ZNF362: variants seen among roughly 807,000 people sequenced by gnomAD.
ZNF362 encodes the protein rotund homolog.
ZNF362 carries 11 observed loss-of-function variants against 42.9 expected under a neutral mutation model. That is an observed-to-expected ratio of 0.26 (90% CI 0.16 to 0.42). ZNF362 has a LOEUF of 0.42. ZNF362 is among the 20% of genes least tolerant of loss of function. ZNF362 has a pLI of 1.00. For missense variants in ZNF362, 362 were observed against 576.2 expected (o/e 0.63, Z 3.81); for synonymous variants, 255 against 257.3 (o/e 0.99, Z 0.09).
At chr1:33,221,615 A>G in the ZNF362 span, among the ~76,000 whole-genome samples, 1 of 152,222 alleles carries the variant, frequency 6.6e-6, no homozygotes, top group Admixed American at 6.5e-5. Flanking sequence ...ACATAAGGAA[A>G]ATAAGTCTCA....
the ZNF362 span, among the ~76,000 whole-genome samples, chr1:33,141,071 A>T: frequency 6.6e-6 from 1 of 152,008 alleles, no homozygotes; most frequent in Admixed American, 6.6e-5. Context: ...GGCAGGGCTG[A>T]GATCAGGGGT....
At chr1:33,177,103 G>GCA in the ZNF362 span, among the ~76,000 whole-genome samples, 4 of 150,662 alleles carry the variant, frequency 2.7e-5, no homozygotes, top group Admixed American at 6.6e-5. The surrounding 1 kb of genome is among the most constrained non-coding windows in gnomAD (Gnocchi z 4.1). Flanking sequence ...GCACACACAT[G>GCA]CACACACACA....
chr1:33,131,984 G>C, the ZNF362 span, among the ~76,000 whole-genome samples: 1 of 152,180 alleles, frequency 6.6e-6, no homozygotes, highest in Non-Finnish European at 1.5e-5. Context: ...GGTTGATTGA[G>C]CAGTCTGGGC....
chr1:33,169,239 A>G, the ZNF362 span, among the ~76,000 whole-genome samples: 10 of 152,028 alleles, frequency 6.6e-5, no homozygotes, highest in Non-Finnish European at 1.5e-4. Context: ...TCCTCTCCCC[A>G]TATTCCCCAT....
At chr1:33,164,974 T>G in the ZNF362 span, 1 of 93,874 alleles carries the variant, frequency 1.1e-5, no homozygotes, top group Non-Finnish European at 2.4e-5. Flanking sequence ...TTTTTTTTTG[T>G]AGAGAAGGCA....
the ZNF362 span, chr1:33,160,059 C>T: frequency 6.7e-6 from 9 of 1,352,536 alleles, no homozygotes; most frequent in African/African-American, 4.3e-5. Flanking sequence ...GGAAAGGGCA[C>T]GCGTGGTGGG....
At chr1:33,152,849 C>T in the ZNF362 span, among the ~76,000 whole-genome samples, 5 of 151,948 alleles carry the variant, frequency 3.3e-5, no homozygotes, top group Non-Finnish European at 7.4e-5. Flanking sequence ...TAGCAGGGGG[C>T]GGGGAGAGCA....
chr1:33,160,355 TGAAG>T, the ZNF362 span, among the ~76,000 whole-genome samples: 1 of 151,960 alleles, frequency 6.6e-6, no homozygotes, highest in Non-Finnish European at 1.5e-5. Flanking sequence ...GGGGACAGGG[TGAAG>T]ATGTTCTCTC....
the ZNF362 span, among the ~76,000 whole-genome samples, chr1:33,173,176 A>G: frequency 2.0e-5 from 3 of 152,064 alleles, no homozygotes; most frequent in Admixed American, 6.6e-5. Flanking sequence ...ATTATTTTAT[A>G]TCTTTGAGCC....
At chr1:33,283,559 G>C (rs1047498601) in intron 6 of ZNF362, among the ~76,000 whole-genome samples, 2 of 152,086 alleles carry the variant, frequency 1.3e-5, no homozygotes, top group Non-Finnish European at 1.5e-5. Flanking sequence ...AAATTAGCTG[G>C]GAGTAATGGT....
Position 33,276,488 on chromosome 1 carries a change from C to G in ZNF362, c.243C>G (p.Ala81=), listed in dbSNP as rs774672582. The G allele has an allele frequency of 6.3e-7, 1 of 1,585,864 alleles. No homozygotes were observed. The highest frequency in any genetic ancestry group is 8.5e-7 in the Non-Finnish European group (1 of 1,169,750). Residue 81 remains alanine (A), a synonymous_variant, in exon 4 of 9, where the codon GCC becomes GCG. Coordinates refer to ENST00000539719, the MANE Select transcript of ZNF362 (RefSeq NM_152493.3). ...VPPAPAESSQ[A]VMSLPKLQQV... is the part of the protein sequence containing the mutation. The stretch of plus-strand genomic sequence containing the variant: ...CGGCACCCGCCGAGAGCAGCCAGGC[C>G]GTCATGTCGCTGCCCAAGCTGCAGC...
In ZNF362 at chr1:33,288,392, G is replaced by A. The variant is rs932080501; in HGVS notation, c.909-6545G>A. Among the ~76,000 whole-genome samples, 7 of 152,152 alleles carry A rather than the reference G, an allele frequency of 4.6e-5. No individual in the cohort carries two copies. In the South Asian group the frequency reaches 6.2e-4, roughly 14 times the overall value. ...CTGGGACAGTGGGGGGTGAAGTGGG[G>A]TAGTCCAGGGCCACTAGCTTCAGCT... On this transcript the variant is annotated intron_variant, in intron 6 of 8. Coordinates refer to ENST00000539719, the MANE Select transcript of ZNF362 (RefSeq NM_152493.3).
chr1:33,205,579 T>C, the ZNF362 span, among the ~76,000 whole-genome samples: 1 of 152,072 alleles, frequency 6.6e-6, no homozygotes, highest in Non-Finnish European at 1.5e-5. Flanking sequence ...TATGACATTA[T>C]AAAGCTACAG....
the ZNF362 span, among the ~76,000 whole-genome samples, chr1:33,243,860 G>C: frequency 6.6e-6 from 1 of 151,110 alleles, no homozygotes; most frequent in African/African-American, 2.4e-5. Flanking sequence ...CGCCCGCCTC[G>C]GCCTCCTTTG....
chr1:33,191,160 T>G, the ZNF362 span, among the ~76,000 whole-genome samples: 5,528 of 152,332 alleles, frequency 0.036, 149 homozygotes, highest in African/African-American at 0.073. Context: ...ATTCTCTTTT[T>G]ACCTTTGCAG....
chr1:33,150,683 G>A, the ZNF362 span, among the ~76,000 whole-genome samples: 3 of 152,224 alleles, frequency 2.0e-5, no homozygotes, highest in Non-Finnish European at 4.4e-5. Context: ...TCAGAACCAG[G>A]GGGCCCCTGC....
At chr1:33,222,683 G>C in the ZNF362 span, among the ~76,000 whole-genome samples, 1 of 152,172 alleles carries the variant, frequency 6.6e-6, no homozygotes, top group Non-Finnish European at 1.5e-5. Context: ...CAGGGCACTT[G>C]CATTTGCTGC....
the ZNF362 span, among the ~76,000 whole-genome samples, chr1:33,221,581 A>G: frequency 5.3e-5 from 8 of 152,228 alleles, no homozygotes; most frequent in Non-Finnish European, 8.8e-5. Context: ...TTGCGCAAGT[A>G]TATATTTGTA....
At position 33,276,090 on chromosome 1, in the gene ZNF362, C is replaced by A. The variant is rs1275545907; in HGVS notation, c.39-10C>A. 10 of 1,614,038 alleles carry A rather than the reference C, an allele frequency of 6.2e-6. No individual in the cohort carries two copies. The highest frequency in any genetic ancestry group is 8.5e-6 in the Non-Finnish European group (10 of 1,179,998). On this transcript the variant is annotated splice_polypyrimidine_tract_variant and intron_variant, in intron 2 of 8. Transcript: ENST00000539719. ...CTCTCTTCCCGGTGACAGTCGCTCTCTTCCCGCAGGATGGCCGAGCCTCGA... is the reference window on the plus strand; with the variant it reads ...CTCTCTTCCCGGTGACAGTCGCTCTATTCCCGCAGGATGGCCGAGCCTCGA...
Sources: allele counts gnomAD v4.1 joint callset (sites outside exome capture counted in the v4.1 genomes callset), GRCh38; gene constraint gnomAD v4.1.1; non-coding constraint Gnocchi (gnomAD v3.1); transcripts MANE v1.5; gene names NCBI Gene and HGNC (gene_info 2026-07-23, HGNC 2026-07-21).